Variants in GRM1 observed in about 807,000 individuals in gnomAD.
The protein encoded by GRM1 is metabotropic glutamate receptor 1.
A neutral mutation model predicts 90.9 loss-of-function variants in GRM1; 33 were observed. That is an observed-to-expected ratio of 0.36 (90% CI 0.28 to 0.49). The LOEUF (loss-of-function observed/expected upper bound fraction) is 0.49, where lower values mean the gene tolerates loss of function less well. Ranked by LOEUF, GRM1 falls within the 20% of genes least tolerant of loss-of-function variation. The pLI is 0.99. For missense variants in GRM1, 1,190 were observed against 1,534.3 expected, an observed-to-expected ratio of 0.78 and a Z score of 3.75; for synonymous variants, 700 against 613.2, an observed-to-expected ratio of 1.14 and a Z score of -2.09.
intron 6 of GRM1, among the ~76,000 whole-genome samples, chr6:146,392,938 G>T (rs1244770048): frequency 6.6e-6 from 1 of 151,996 alleles, no homozygotes; most frequent in Non-Finnish European, 1.5e-5. Flanking sequence ...GTCTATCATT[G>T]TGGGCATTTG....
intron 2 of GRM1, among the ~76,000 whole-genome samples, chr6:146,269,488 G>T (rs1021581337): frequency 6.6e-6 from 1 of 152,180 alleles, no homozygotes; most frequent in Non-Finnish European, 1.5e-5. Context: ...TTGGCTGGTT[G>T]TTTCAGAAGA....
chr6:146,113,498 G>T (rs951667948), intron 1 of GRM1, among the ~76,000 whole-genome samples: 1 of 152,160 alleles, frequency 6.6e-6, no homozygotes, highest in Non-Finnish European at 1.5e-5. Flanking sequence ...CCCTCCAGAA[G>T]AAAGTATATG....
At chr6:146,055,017 T>A (rs1200849918) in intron 1 of GRM1, among the ~76,000 whole-genome samples, 1 of 152,036 alleles carries the variant, frequency 6.6e-6, no homozygotes, top group East Asian at 1.9e-4. Context: ...TGGGGCGATT[T>A]GCCTTGGGTT....
intron 1 of GRM1, among the ~76,000 whole-genome samples, chr6:146,129,770 AG>A (rs1776324719): frequency 6.6e-6 from 1 of 152,172 alleles, no homozygotes; most frequent in African/African-American, 2.4e-5. Flanking sequence ...TGCAACAGAA[AG>A]GGCCCAATTT....
intron 2 of GRM1, among the ~76,000 whole-genome samples, chr6:146,237,734 C>G (rs1389104030): frequency 1.3e-5 from 2 of 152,068 alleles, no homozygotes; most frequent in Admixed American, 1.3e-4. Context: ...TGAACAAGCA[C>G]AGTAAGACCA....
chr6:146,352,632 G>A, intron 4 of GRM1, 136 bp downstream of exon 4: 1 of 839,450 alleles, frequency 1.2e-6, no homozygotes, highest in Non-Finnish European at 2.0e-6. Context: ...AAAAGTCCAG[G>A]GATAATATCA....
At chr6:146,088,131 C>G (rs1776606124) in intron 1 of GRM1, among the ~76,000 whole-genome samples, 1 of 152,058 alleles carries the variant, frequency 6.6e-6, no homozygotes, top group South Asian at 2.1e-4. Flanking sequence ...TTTAACTATT[C>G]TGATATGTGT....
chr6:146,320,313 C>A (rs1216865697), intron 3 of GRM1, among the ~76,000 whole-genome samples: 1 of 152,138 alleles, frequency 6.6e-6, no homozygotes, highest in Non-Finnish European at 1.5e-5. Context: ...AGGGATGAAG[C>A]TGACTTGATC....
At chr6:146,299,385 TA>T (rs944042319) in intron 2 of GRM1, among the ~76,000 whole-genome samples, 12 of 151,386 alleles carry the variant, frequency 7.9e-5, no homozygotes, top group East Asian at 3.9e-4. Flanking sequence ...TATTTTGCAT[TA>T]AAAAAAATGT....
chr6:146,267,621 GGCTGGGCTGGGCTGGGCTGC>G lies in GRM1; in HGVS notation c.951-36970_951-36951del, dbSNP rs1487327692. On this transcript the variant is annotated intron_variant, in intron 2 of 7. Coordinates refer to ENST00000282753, the MANE Select transcript of GRM1 (RefSeq NM_001278064.2). ...CATGGGAGAAAGATGTAGGCTGGGAGGCTGGGCTGGGCTGGGCTGCGCTGGGCTGGGCTGGGCTGGGCTGG... is the reference window on the plus strand; with the variant it reads ...CATGGGAGAAAGATGTAGGCTGGGAGGCTGGGCTGGGCTGGGCTGGGCTGG... Among the ~76,000 whole-genome samples, 103 of 138,400 alleles carry G rather than the reference GGCTGGGCTGGGCTGGGCTGC, an allele frequency of 7.4e-4. 1 individual carries two copies. In the East Asian group the frequency reaches 0.021, roughly 29 times the overall value. 90.8% of individuals were successfully genotyped at this position (138,400 alleles called of 152,430 possible).
chr6:146,189,239 G>A (rs1446025941), intron 2 of GRM1, among the ~76,000 whole-genome samples: 1 of 152,026 alleles, frequency 6.6e-6, no homozygotes, highest in African/African-American at 2.4e-5. Context: ...CCTTGATCTG[G>A]TTCCTATGCA....
At chr6:146,188,540 C>T (rs939065631) in intron 2 of GRM1, among the ~76,000 whole-genome samples, 17 of 152,128 alleles carry the variant, frequency 1.1e-4, no homozygotes, top group Non-Finnish European at 2.4e-4. Flanking sequence ...TGAATATTAT[C>T]CTACTTTTAA....
chr6:146,106,822 G>C (rs1302948860), intron 1 of GRM1, among the ~76,000 whole-genome samples: 1 of 152,154 alleles, frequency 6.6e-6, no homozygotes, highest in Non-Finnish European at 1.5e-5. Context: ...CACACTGTAG[G>C]TGCCTTGAAG....
At chr6:146,297,360 C>T (rs1451907421) in intron 2 of GRM1, among the ~76,000 whole-genome samples, 4 of 152,116 alleles carry the variant, frequency 2.6e-5, no homozygotes, top group Non-Finnish European at 4.4e-5. Context: ...TGGGGTTTCA[C>T]TGTGTTAGCC....
intron 7 of GRM1, among the ~76,000 whole-genome samples, chr6:146,414,654 G>A (rs996565995): frequency 2.6e-4 from 39 of 152,194 alleles, no homozygotes; most frequent in African/African-American, 6.0e-4. Flanking sequence ...CGCCCGCCTC[G>A]GCCTCCCGAA....
Position 146,256,432 on chromosome 6 carries a change from G to T in GRM1, c.951-48179G>T, listed in dbSNP as rs1228002052. ...TATCTGGCCCTTCACTCCTCCCCCA[G>T]TGTGTCTGGGGAAAGAGTCCTCCTA... On this transcript the variant is annotated intron_variant, in intron 2 of 7. Coordinates refer to ENST00000282753, the MANE Select transcript of GRM1 (RefSeq NM_001278064.2). Among the ~76,000 whole-genome samples, 6 of 152,190 alleles carry T rather than the reference G, an allele frequency of 3.9e-5. No homozygotes were observed. The South Asian group carries it at 8.3e-4, about 21-fold the overall frequency.
intron 1 of GRM1, among the ~76,000 whole-genome samples, chr6:146,072,802 A>C (rs1480027349): frequency 6.6e-6 from 1 of 152,158 alleles, no homozygotes. Context: ...CTGTCTATAA[A>C]TTTCTGAAGA....
chr6:146,427,445 C>T lies in GRM1; in HGVS notation c.2661-6427C>T, dbSNP rs1778250908. Among the ~76,000 whole-genome samples the T allele has an allele frequency of 2.6e-5, 4 of 152,248 alleles. No individual in the cohort carries two copies. In the South Asian group the frequency reaches 8.3e-4, roughly 32 times the overall value. ...GAGTCAAAGGTACACATTCCTGCAG[C>T]AGGAGGGAGCCCACTGATGAGGTGT... On this transcript the variant is annotated intron_variant, in intron 7 of 7. Coordinates refer to ENST00000282753, the MANE Select transcript of GRM1 (RefSeq NM_001278064.2).
At chr6:146,063,249 A>G (rs1582947938) in intron 1 of GRM1, among the ~76,000 whole-genome samples, 1 of 152,220 alleles carries the variant, frequency 6.6e-6, no homozygotes, top group African/African-American at 2.4e-5. Context: ...CTGTGAATGA[A>G]CTAATTAGAA....
Sources: allele counts gnomAD v4.1 joint callset (sites outside exome capture counted in the v4.1 genomes callset), GRCh38; gene constraint gnomAD v4.1.1; transcripts MANE v1.5; gene names NCBI Gene and HGNC (gene_info 2026-07-23, HGNC 2026-07-21).